Variants in FARP2 observed in about 807,000 individuals in gnomAD.
The protein encoded by FARP2 is FERM, ARHGEF and pleckstrin domain-containing protein 2.
In FARP2, 111 loss-of-function variants were observed where a neutral mutation model predicts 130.5. The ratio of observed to expected loss-of-function variants is 0.85; its 90% CI spans 0.73 to 1.00. The LOEUF (loss-of-function observed/expected upper bound fraction) is 1.00, where lower values mean the gene tolerates loss of function less well. FARP2 is among the 50% of genes least tolerant of loss of function. FARP2 has a pLI of 0.00. For missense variants in FARP2, 1,385 were observed against 1,346.3 expected, an observed-to-expected ratio of 1.03 and a Z score of -0.45; for synonymous variants, 504 against 516.9, an observed-to-expected ratio of 0.98 and a Z score of 0.34.
intron 1 of FARP2, among the ~76,000 whole-genome samples, chr2:241,369,733 G>A (rs1575459711): frequency 6.6e-6 from 1 of 152,060 alleles, no homozygotes; most frequent in East Asian, 1.9e-4. Context: ...ATTACTTAAG[G>A]GAAAGAATGC....
At position 241,467,881 on chromosome 2, in the gene FARP2, C is replaced by G. The variant is rs867602929; in HGVS notation, c.1894-259C>G. On this transcript the variant is annotated intron_variant, in intron 17 of 26. Transcript: ENST00000264042. ...AGTGGGGAGGTGGCCCTGGTCCACTCAGTGCATGTGATATGGGGCCGGTTA... is the reference window on the plus strand; with the variant it reads ...AGTGGGGAGGTGGCCCTGGTCCACTGAGTGCATGTGATATGGGGCCGGTTA... Among the ~76,000 whole-genome samples, 4 of 152,304 alleles carry G rather than the reference C, an allele frequency of 2.6e-5. No individual in the cohort carries two copies. The East Asian group carries it at 7.7e-4, about 29-fold the overall frequency.
intron 1 of FARP2, among the ~76,000 whole-genome samples, chr2:241,364,525 T>A (rs772866832): frequency 6.6e-6 from 1 of 152,240 alleles, no homozygotes; most frequent in Non-Finnish European, 1.5e-5. Context: ...TGGAAATTTG[T>A]TAAGGCTACA....
At chr2:241,485,383 TTCCCTCCCTGTGGTCC>T (rs2064726456) in intron 21 of FARP2, among the ~76,000 whole-genome samples, 1 of 144,052 alleles carries the variant, frequency 6.9e-6, no homozygotes. Flanking sequence ...CTCTGGCATC[TTCCCTCCCTGTGGTCC>T]TCCCTCCCTG....
Position 241,407,613 on chromosome 2 carries a change from A to G in FARP2, c.408A>G (p.Thr136=). 1.2e-6 allele frequency: 2 copies of G among 1,612,222 alleles called. No homozygotes were observed. Among genetic ancestry groups the G allele is most frequent in the Non-Finnish European group, 1.7e-6 (2 of 1,178,266 alleles). ...PDPGQLQEEY[T]RYLFALQLKR... ...CTGGTCAGCTACAAGAAGAATATAC[A>G]AGGTAAAGAGCTCACAGAGCTGAAG... is the stretch of plus-strand genomic sequence containing the variant. Residue 136 remains threonine (T), a splice_region_variant and synonymous_variant, in exon 5 of 27, where the codon ACA becomes ACG. Transcript: ENST00000264042.
chr2:241,492,991 GGTC>G lies in FARP2; in HGVS notation c.2854_2856del (p.Val952del). 4 of 1,612,554 alleles carry G rather than the reference GGTC, an allele frequency of 2.5e-6. No homozygotes were observed. Among genetic ancestry groups the G allele is most frequent in the Non-Finnish European group, 3.4e-6 (4 of 1,178,656 alleles). On this transcript the variant is annotated inframe_deletion, in exon 25 of 27. Coordinates refer to ENST00000264042, the MANE Select transcript of FARP2 (RefSeq NM_014808.4). Reference sequence around the variant, plus strand: ...ACAGTCATGGCTGGCAGAAGCTCTGGGTCGTCTTTACCAACTTCTGTTTGTTCT... The same window carrying G: ...ACAGTCATGGCTGGCAGAAGCTCTGGGTCTTTACCAACTTCTGTTTGTTCT...
chr2:241,377,068 G>T (rs1209397351), intron 2 of FARP2, among the ~76,000 whole-genome samples: 1 of 152,074 alleles, frequency 6.6e-6, no homozygotes, highest in Non-Finnish European at 1.5e-5. Flanking sequence ...ATTCAATTTT[G>T]TTTTGTTTTG....
At chr2:241,442,388 A>T (rs1222498527) in intron 13 of FARP2, 1 of 456,552 alleles carries the variant, frequency 2.2e-6, no homozygotes, top group Admixed American at 2.3e-5. Flanking sequence ...GACTCATGGG[A>T]CTCTGAAACC....
chr2:241,438,829 A>C (rs4305267), intron 12 of FARP2, among the ~76,000 whole-genome samples: 1 of 151,242 alleles, frequency 6.6e-6, no homozygotes, highest in East Asian at 2.0e-4. Flanking sequence ...ACGGGGTTTC[A>C]CTGTGTTAGC....
chr2:241,454,689 A>G (rs1173277107), intron 13 of FARP2, among the ~76,000 whole-genome samples: 2 of 152,242 alleles, frequency 1.3e-5, no homozygotes, highest in African/African-American at 4.8e-5. Context: ...TAGGAATTTC[A>G]TGCTGTTTTA....
Position 241,431,708 on chromosome 2 carries a change from G to C in FARP2, c.801G>C (p.Trp267Cys). The C allele has an allele frequency of 6.2e-7, 1 of 1,602,844 alleles. No homozygotes were observed. The highest frequency in any genetic ancestry group is 8.5e-7 in the Non-Finnish European group (1 of 1,171,840). The change falls in exon 9 of 27, where the codon TGG becomes TGC. Residue 267 changes from tryptophan to cysteine, a missense_variant. Physicochemically the swap from Trp to Cys is radical, Grantham distance 215. Coordinates refer to ENST00000264042, the MANE Select transcript of FARP2 (RefSeq NM_014808.4). ...QGTTKINTFN[W>C]SKVRKLSFKR... ...CCACCAAAATCAACACTTTCAACTG[G>C]TCCAAGGTCCGTAAACTAAGCTTCA...
Position 241,491,567 on chromosome 2 carries a change from G to A in FARP2, c.2675G>A (p.Gly892Asp), listed in dbSNP as rs887076759. The change falls in exon 24 of 27, where the codon GGT (glycine) becomes GAT (aspartate). Residue 892 changes from glycine to aspartate, a missense_variant. By Grantham distance (94) the Gly-to-Asp change is moderately conservative. Transcript: ENST00000264042. ...CAGGAGTCAGAAGATGATGCTCGGG[G>A]TGTCCGCAGCTCCCTGGAGGGGCAT... is the stretch of plus-strand genomic sequence containing the variant. ...LEQESEDDAR[G>D]VRSSLEGHGQ... 2 of 1,613,700 alleles carry A rather than the reference G, an allele frequency of 1.2e-6. No individual in the cohort carries two copies. Among genetic ancestry groups the A allele is most frequent in the Non-Finnish European group, 1.7e-6 (2 of 1,179,984 alleles).
chr2:241,399,549 A>G (rs2062113059), intron 2 of FARP2, among the ~76,000 whole-genome samples: 1 of 152,100 alleles, frequency 6.6e-6, no homozygotes. Context: ...ACCTCACATG[A>G]TCCATCTGCC....
chr2:241,422,205 C>G (rs1319155222), intron 8 of FARP2, among the ~76,000 whole-genome samples: 1 of 139,378 alleles, frequency 7.2e-6, no homozygotes, highest in Non-Finnish European at 1.5e-5. Context: ...CACCTAAGGT[C>G]AGAAGTTCAA....
chr2:241,457,954 G>A (rs1182185734), intron 14 of FARP2, among the ~76,000 whole-genome samples: 1 of 152,166 alleles, frequency 6.6e-6, no homozygotes, highest in East Asian at 1.9e-4. Context: ...ACAAAGTTGA[G>A]GCAGTGTCCC....
intron 13 of FARP2, among the ~76,000 whole-genome samples, chr2:241,447,985 G>A (rs952811742): frequency 6.6e-6 from 1 of 152,168 alleles, no homozygotes; most frequent in African/African-American, 2.4e-5. Flanking sequence ...AGCACCTGAG[G>A]CCAGGGTGGG....
intron 12 of FARP2, among the ~76,000 whole-genome samples, chr2:241,441,046 T>C (rs559401407): frequency 6.6e-6 from 1 of 152,194 alleles, no homozygotes; most frequent in Non-Finnish European, 1.5e-5. Flanking sequence ...AAAACTTTTC[T>C]TTATTGTGGA....
At chr2:241,385,775 C>A (rs1012417418) in intron 2 of FARP2, among the ~76,000 whole-genome samples, 11 of 152,044 alleles carry the variant, frequency 7.2e-5, no homozygotes, top group African/African-American at 2.7e-4. Context: ...CCAGAATTAA[C>A]GTCTTCAACA....
chr2:241,366,104 A>ATATATAT lies in FARP2; in HGVS notation c.-24-6980_-24-6979insTATATAT, dbSNP rs1553705628. ...ACCTCATCACTACTAAAAAAAAAAA[A>ATATATAT]ATATATATATATATATACGTATATA... On this transcript the variant is annotated intron_variant, in intron 1 of 26. Coordinates refer to ENST00000264042, the MANE Select transcript of FARP2 (RefSeq NM_014808.4). Among the ~76,000 whole-genome samples, 130 of 56,972 alleles carry ATATATAT rather than the reference A, an allele frequency of 2.3e-3. 2 individuals carry two copies. The highest frequency in any genetic ancestry group is 7.8e-3 in the African/African-American group (115 of 14,818). 37.4% of individuals were successfully genotyped at this position (56,972 alleles called of 152,430 possible).
Position 241,450,061 on chromosome 2 carries a change from A to G in FARP2, c.1412-6686A>G, listed in dbSNP as rs58255151. Among the ~76,000 whole-genome samples the G allele has an allele frequency of 1.1e-3, 174 of 152,114 alleles. 1 individual carries two copies. The highest frequency in any genetic ancestry group is 3.8e-3 in the African/African-American group (157 of 41,508). On this transcript the variant is annotated intron_variant, in intron 13 of 26. Coordinates refer to ENST00000264042, the MANE Select transcript of FARP2 (RefSeq NM_014808.4). ...GAGATGCCCACTGCCGACAGTCTGA[A>G]ATAACAGTTTTAAATTTTATGTCTT...
Sources: allele counts gnomAD v4.1 joint callset (sites outside exome capture counted in the v4.1 genomes callset), GRCh38; gene constraint gnomAD v4.1.1; transcripts MANE v1.5; gene names NCBI Gene and HGNC (gene_info 2026-07-23, HGNC 2026-07-21).